ALOX5AP: variants seen among roughly 807,000 people sequenced by gnomAD.
ALOX5AP encodes arachidonate 5-lipoxygenase-activating protein.
A neutral mutation model predicts 18.5 loss-of-function variants in ALOX5AP; 9 were observed. The observed-to-expected ratio is 0.49, with a 90% CI of 0.29 to 0.85. The LOEUF (loss-of-function observed/expected upper bound fraction) is 0.85, where lower values mean the gene tolerates loss of function less well. Ranked by LOEUF, ALOX5AP falls within the 40% of genes least tolerant of loss-of-function variation. The probability of loss-of-function intolerance (pLI) is 0.08; values close to 1 mark genes in which losing one functional copy is unlikely to be tolerated. For missense variants in ALOX5AP, 172 were observed against 202.5 expected (o/e 0.85, Z 0.91); for synonymous variants, 81 against 78.6 (o/e 1.03, Z -0.16).
intron 1 of ALOX5AP, among the ~76,000 whole-genome samples, chr13:30,717,468 G>T (rs1237833651): frequency 1.3e-5 from 2 of 152,208 alleles, no homozygotes; most frequent in African/African-American, 4.8e-5. Flanking sequence ...CAGTCAGAGG[G>T]CTGGCCTTTG....
At chr13:30,739,536 G>A (rs1951746435) in intron 1 of ALOX5AP, among the ~76,000 whole-genome samples, 1 of 152,234 alleles carries the variant, frequency 6.6e-6, no homozygotes, top group African/African-American at 2.4e-5. Flanking sequence ...CCAGGCTCAA[G>A]TGATTCTCAT....
intron 1 of ALOX5AP, among the ~76,000 whole-genome samples, chr13:30,714,917 C>T (rs1032538825): frequency 1.3e-5 from 2 of 152,188 alleles, no homozygotes; most frequent in Non-Finnish European, 2.9e-5. Context: ...CTGTACTCCC[C>T]GCTTAGAGCT....
upstream of ALOX5AP, chr13:30,735,536 C>G: frequency 6.2e-7 from 1 of 1,606,156 alleles, no homozygotes; most frequent in Non-Finnish European, 8.5e-7. Flanking sequence ...GCTCTCACTT[C>G]CCCTTCCTGT....
chr13:30,718,255 G>T lies in ALOX5AP; in HGVS notation c.116+4414G>T, dbSNP rs576671863. On this transcript the variant is annotated intron_variant, in intron 1 of 5. Coordinates refer to the ALOX5AP transcript ENST00000617770. ...ATCACAGGTGTGAGCCACTGCATCT[G>T]GCCAAAAGATTCTGTTTTTGAGGCC... Among the ~76,000 whole-genome samples, 3 of 151,970 alleles carry T rather than the reference G, an allele frequency of 2.0e-5. No individual in the cohort carries two copies. The East Asian group carries it at 5.8e-4, about 29-fold the overall frequency.
intron 1 of ALOX5AP, among the ~76,000 whole-genome samples, chr13:30,715,265 T>C (rs957361839): frequency 3.9e-5 from 6 of 152,342 alleles, no homozygotes; most frequent in East Asian, 3.8e-4. Flanking sequence ...ACCTGTCTTA[T>C]TGGGTTTTGT....
At chr13:30,720,624 C>T (rs1593425880) in intron 1 of ALOX5AP, among the ~76,000 whole-genome samples, 1 of 152,182 alleles carries the variant, frequency 6.6e-6, no homozygotes, top group Non-Finnish European at 1.5e-5. Flanking sequence ...TTTAACACCA[C>T]AAACAGTAAT....
intron 2 of ALOX5AP, among the ~76,000 whole-genome samples, chr13:30,749,171 G>A (rs1951832421): frequency 1.3e-5 from 2 of 152,214 alleles, no homozygotes; most frequent in African/African-American, 4.8e-5. Context: ...AAGGTGACTT[G>A]AACTAATAGT....
At chr13:30,757,465 A>T (rs995301172) in intron 4 of ALOX5AP, among the ~76,000 whole-genome samples, 1 of 152,152 alleles carries the variant, frequency 6.6e-6, no homozygotes, top group African/African-American at 2.4e-5. Flanking sequence ...ATTCTTATCA[A>T]CACTGCCCTA....
chr13:30,749,734 C>A (rs1951836891), intron 2 of ALOX5AP, among the ~76,000 whole-genome samples: 3 of 152,158 alleles, frequency 2.0e-5, no homozygotes, highest in Admixed American at 6.5e-5. Flanking sequence ...CTGTCCTGTT[C>A]CTGGTTTTTG....
chr13:30,719,451 G>A (rs2137786201), intron 1 of ALOX5AP, among the ~76,000 whole-genome samples: 1 of 152,290 alleles, frequency 6.6e-6, no homozygotes, highest in Non-Finnish European at 1.5e-5. Context: ...GTGTAAGGCT[G>A]CTTGCATTTA....
At chr13:30,735,102 C>G (rs1273758621), upstream of ALOX5AP, among the ~76,000 whole-genome samples, 2 of 152,090 alleles carry the variant, frequency 1.3e-5, no homozygotes, top group African/African-American at 4.8e-5. Context: ...CCTCAAAGTC[C>G]TGGGCCCAAG....
upstream of ALOX5AP, among the ~76,000 whole-genome samples, chr13:30,731,864 G>A (rs923925271): frequency 5.3e-5 from 8 of 152,226 alleles, no homozygotes; most frequent in African/African-American, 1.7e-4. Flanking sequence ...GCGGCCAGGC[G>A]GTCTTCTGCG....
chr13:30,752,382 A>G (rs186646149), intron 3 of ALOX5AP, among the ~76,000 whole-genome samples: 6 of 152,304 alleles, frequency 3.9e-5, no homozygotes, highest in Admixed American at 2.6e-4. Flanking sequence ...GTTTAAGGCT[A>G]AATGTGACTC....
intron 4 of ALOX5AP, among the ~76,000 whole-genome samples, chr13:30,761,641 C>A (rs1250188030): frequency 6.6e-6 from 1 of 152,344 alleles, no homozygotes; most frequent in African/African-American, 2.4e-5. Context: ...AGAATTTATT[C>A]TCTCACAGTC....
intron 1 of ALOX5AP, among the ~76,000 whole-genome samples, chr13:30,723,296 G>A (rs1384287210): frequency 1.3e-5 from 2 of 152,358 alleles, no homozygotes; most frequent in East Asian, 3.9e-4. Flanking sequence ...TAAGGTCTGT[G>A]TCTAGATTCA....
chr13:30,735,454 AAAAAAG>A, upstream of ALOX5AP: 1 of 1,263,206 alleles, frequency 7.9e-7, no homozygotes, highest in Non-Finnish European at 1.0e-6. Flanking sequence ...AAAAAAAAAA[AAAAAAG>A]GAAGAAGAAG....
intron 1 of ALOX5AP, among the ~76,000 whole-genome samples, chr13:30,730,347 T>C (rs1425815417): frequency 6.6e-6 from 1 of 152,228 alleles, no homozygotes; most frequent in African/African-American, 2.4e-5. Context: ...ACCAGGTTGA[T>C]TTGGTTCTCA....
chr13:30,741,103 CTTTTTTTTTTTTTTTTTT>C (rs59980433), intron 1 of ALOX5AP, among the ~76,000 whole-genome samples: 7 of 63,970 alleles, frequency 1.1e-4, no homozygotes, highest in African/African-American at 2.6e-4. Context: ...CCTCCATATC[CTTTTTTTTTTTTTTTTTT>C]TTTTTTTTTT....
intron 1 of ALOX5AP, among the ~76,000 whole-genome samples, chr13:30,721,211 C>T (rs1302542754): frequency 1.3e-5 from 2 of 152,178 alleles, no homozygotes; most frequent in East Asian, 1.9e-4. Context: ...ACATCTGCAT[C>T]AAGTCTAATT....
Sources: gnomAD v4.1 joint callset for allele counts (sites outside exome capture counted in the v4.1 genomes callset) on GRCh38, gnomAD v4.1.1 for gene constraint, MANE v1.5 for transcripts, NCBI Gene and HGNC (gene_info 2026-07-23, HGNC 2026-07-21) for gene names.